Variants in NRXN1 observed in about 807,000 individuals in gnomAD.
NRXN1 encodes neurexin-1.
In NRXN1, 39 loss-of-function variants were observed where a neutral mutation model predicts 150.9. The ratio of observed to expected loss-of-function variants is 0.26; its 90% CI spans 0.20 to 0.34. The LOEUF (loss-of-function observed/expected upper bound fraction) is 0.34. NRXN1 is among the 10% of genes least tolerant of loss of function. The pLI, the probability that NRXN1 is intolerant of heterozygous loss-of-function variation, is 1.00. For synonymous variants in NRXN1, 924 were observed against 757.0 expected (o/e 1.22, Z -3.62); for missense variants, 1,815 against 1,949.9 (o/e 0.93, Z 1.30).
intron 18 of NRXN1, among the ~76,000 whole-genome samples, chr2:50,191,204 TG>T (rs1340506009): frequency 3.4e-5 from 4 of 116,564 alleles, no homozygotes; most frequent in Non-Finnish European, 3.7e-5. Context: ...AATTGTTTTT[TG>T]TTTTTTTTTT....
intron 17 of NRXN1, among the ~76,000 whole-genome samples, chr2:50,435,923 G>T (rs1427661385): frequency 6.6e-6 from 1 of 151,776 alleles, no homozygotes; most frequent in Non-Finnish European, 1.5e-5. Flanking sequence ...TACCTATATA[G>T]GTAACCTCCA....
At chr2:50,625,390 T>C (rs1680833971) in intron 5 of NRXN1, among the ~76,000 whole-genome samples, 1 of 152,014 alleles carries the variant, frequency 6.6e-6, no homozygotes, top group African/African-American at 2.4e-5. Context: ...GCCAAGACTA[T>C]CAGTCAGACC....
At chr2:49,927,255 A>C (rs543846983) in intron 22 of NRXN1, among the ~76,000 whole-genome samples, 1 of 152,232 alleles carries the variant, frequency 6.6e-6, no homozygotes, top group Admixed American at 6.5e-5. Context: ...GATTACTTTT[A>C]AATATAACTT....
intron 2 of NRXN1, among the ~76,000 whole-genome samples, chr2:50,969,612 T>C (rs1162317016): frequency 1.1e-4 from 16 of 152,194 alleles, no homozygotes; most frequent in Non-Finnish European, 2.2e-4. Context: ...AGTTGTTTCA[T>C]AAATGTTAGG....
At chr2:50,795,639 T>C (rs971389548) in intron 5 of NRXN1, among the ~76,000 whole-genome samples, 2 of 151,932 alleles carry the variant, frequency 1.3e-5, no homozygotes, top group African/African-American at 4.8e-5. Flanking sequence ...CAGATGTAAA[T>C]CTCACTTTGG....
chr2:50,553,605 G>A (rs548619828), intron 8 of NRXN1, among the ~76,000 whole-genome samples: 1 of 152,292 alleles, frequency 6.6e-6, no homozygotes, highest in African/African-American at 2.4e-5. Flanking sequence ...ATATAACTAA[G>A]ATACAGAAGA....
chr2:50,990,027 T>G (rs1466713050), intron 2 of NRXN1, among the ~76,000 whole-genome samples: 2 of 152,012 alleles, frequency 1.3e-5, no homozygotes, highest in East Asian at 3.9e-4. Context: ...AATAAAGGTG[T>G]TGTGGTAGCT....
chr2:50,736,537 G>A (rs954766961), intron 5 of NRXN1, among the ~76,000 whole-genome samples: 2 of 152,130 alleles, frequency 1.3e-5, no homozygotes, highest in Non-Finnish European at 2.9e-5. Flanking sequence ...CGGACCTGGT[G>A]AGAGATAATT....
chr2:50,734,199 T>C (rs1698443467), intron 5 of NRXN1, among the ~76,000 whole-genome samples: 1 of 152,132 alleles, frequency 6.6e-6, no homozygotes, highest in Non-Finnish European at 1.5e-5. Context: ...GCCCCACATG[T>C]CTACCATGCC....
chr2:49,981,357 A>G (rs1558630174), intron 21 of NRXN1, among the ~76,000 whole-genome samples: 2 of 152,232 alleles, frequency 1.3e-5, no homozygotes, highest in Non-Finnish European at 1.5e-5. Context: ...GTCCATCAGA[A>G]GAAATTAAGG....
intron 15 of NRXN1, among the ~76,000 whole-genome samples, chr2:50,476,998 TG>T (rs1332430826): frequency 1.3e-5 from 2 of 151,876 alleles, no homozygotes; most frequent in Non-Finnish European, 2.9e-5. Context: ...GGTTGCAAAG[TG>T]GGGGAGCATA....
At chr2:50,931,620 G>A (rs899693251) in intron 2 of NRXN1, among the ~76,000 whole-genome samples, 1 of 151,836 alleles carries the variant, frequency 6.6e-6, no homozygotes, top group Non-Finnish European at 1.5e-5. Flanking sequence ...GCTATTCCTT[G>A]GAAGGAAAAA....
chr2:50,823,819 T>A (rs1022331045), intron 5 of NRXN1, among the ~76,000 whole-genome samples: 4 of 152,164 alleles, frequency 2.6e-5, no homozygotes, highest in African/African-American at 9.7e-5. Context: ...AAACAGAGAT[T>A]TATGAGTGTG....
chr2:50,784,522 T>A (rs1704817420), intron 5 of NRXN1, among the ~76,000 whole-genome samples: 1 of 152,070 alleles, frequency 6.6e-6, no homozygotes, highest in South Asian at 2.1e-4. Flanking sequence ...AAATTCATTA[T>A]TATTAATTAA....
At chr2:50,725,422 T>C (rs1032802373) in intron 5 of NRXN1, among the ~76,000 whole-genome samples, 2 of 151,456 alleles carry the variant, frequency 1.3e-5, no homozygotes, top group African/African-American at 2.4e-5. Context: ...AGTAAAGTGA[T>C]GGGTAGCTCT....
chr2:50,877,407 C>G (rs1678763968), intron 5 of NRXN1, among the ~76,000 whole-genome samples: 1 of 151,874 alleles, frequency 6.6e-6, no homozygotes, highest in Non-Finnish European at 1.5e-5. Flanking sequence ...CTAGAAAATT[C>G]TACTTTAGCA....
At chr2:50,868,141 TTATATA>T (rs70958631) in intron 5 of NRXN1, among the ~76,000 whole-genome samples, 8,267 of 86,208 alleles carry the variant, frequency 0.096, 660 homozygotes, top group Non-Finnish European at 0.11. Context: ...AAACAAAATA[TTATATA>T]TATATATATA....
intron 18 of NRXN1, among the ~76,000 whole-genome samples, chr2:50,127,767 T>C (rs951482277): frequency 2.6e-5 from 4 of 152,180 alleles, no homozygotes; most frequent in African/African-American, 9.7e-5. Context: ...TCAGAAATAG[T>C]CCCTAAGTCT....
intron 21 of NRXN1, among the ~76,000 whole-genome samples, chr2:50,052,714 C>T (rs1692914144): frequency 6.6e-6 from 1 of 151,990 alleles, no homozygotes; most frequent in African/African-American, 2.4e-5. Context: ...GGTTTGTGTG[C>T]TCAGATAAAC....
Sources: allele counts gnomAD v4.1 joint callset (sites outside exome capture counted in the v4.1 genomes callset), GRCh38; gene constraint gnomAD v4.1.1; transcripts MANE v1.5; gene names NCBI Gene and HGNC (gene_info 2026-07-23, HGNC 2026-07-21).